NCAM1: variants seen among roughly 807,000 people sequenced by gnomAD.
NCAM1 encodes antigen recognized by monoclonal antibody 5.1H11.
Under a neutral mutation model 109.8 loss-of-function variants are expected in NCAM1, and 14 were observed. That is an observed-to-expected ratio of 0.13 (90% CI 0.08 to 0.20). The LOEUF is 0.20. Ranked by LOEUF, NCAM1 falls within the 10% of genes least tolerant of loss-of-function variation. The pLI is 1.00. For missense variants in NCAM1, 774 were observed against 1,109.9 expected (o/e 0.70, Z 4.30); for synonymous variants, 418 against 442.9 (o/e 0.94, Z 0.70).
intron 10 of NCAM1, 84 bp from the exon 11 acceptor site, chr11:113,232,086 C>G: frequency 1.5e-6 from 2 of 1,350,028 alleles, no homozygotes; most frequent in East Asian, 2.5e-5. Flanking sequence ...TTGGAGCACA[C>G]CTGCCTTCCC....
chr11:113,243,237 A>G (rs1945391001), intron 14 of NCAM1, among the ~76,000 whole-genome samples: 2 of 152,236 alleles, frequency 1.3e-5, no homozygotes, highest in African/African-American at 2.4e-5. Context: ...AGCAGTAGCA[A>G]AAAGACTGAG....
At position 113,233,345 on chromosome 11, in the gene NCAM1, T is replaced by C. The variant is rs1297565547; in HGVS notation, c.1693+28T>C. The stretch of plus-strand genomic sequence containing the variant: ...GAGTTGGGCGAGTTGGTGTTTCCAT[T>C]GGGATCATGAGTGCCTCAGTACTCA... On this transcript the variant is annotated intron_variant, in intron 13 of 19. Transcript: ENST00000316851. The surrounding 1 kb of genome is among the most constrained non-coding windows in gnomAD (Gnocchi z 4.5). The C allele has an allele frequency of 6.2e-7, 1 of 1,602,220 alleles. No homozygotes were observed. The highest frequency in any genetic ancestry group is 8.5e-7 in the Non-Finnish European group (1 of 1,174,228).
intron 1 of NCAM1, among the ~76,000 whole-genome samples, chr11:113,018,558 A>G (rs1555075698): frequency 6.6e-6 from 1 of 152,138 alleles, no homozygotes; most frequent in African/African-American, 2.4e-5. Context: ...AAACAAAATT[A>G]CCCCATAGTT....
At chr11:113,216,441 C>T (rs181061452) in intron 8 of NCAM1, among the ~76,000 whole-genome samples, 304 of 152,272 alleles carry the variant, frequency 2.0e-3, no homozygotes, top group African/African-American at 6.7e-3. Context: ...CGTGAGCCAC[C>T]GCGCCCGGCC....
At chr11:113,000,831 T>C (rs1402612368) in intron 1 of NCAM1, among the ~76,000 whole-genome samples, 1 of 14,818 alleles carries the variant, frequency 6.7e-5, no homozygotes, top group African/African-American at 4.0e-4. Flanking sequence ...TATATATATA[T>C]ATATATATAT....
At chr11:113,204,553 GA>G in intron 3 of NCAM1, 49 bp downstream of exon 3, 3 of 1,567,144 alleles carry the variant, frequency 1.9e-6, no homozygotes, top group Non-Finnish European at 2.6e-6. Flanking sequence ...CCTTGCCAAG[GA>G]GACATGTGGG....
At chr11:113,080,925 G>A (rs1228707767) in intron 1 of NCAM1, among the ~76,000 whole-genome samples, 1 of 152,146 alleles carries the variant, frequency 6.6e-6, no homozygotes, top group African/African-American at 2.4e-5. Flanking sequence ...CGATATGATT[G>A]GCATTTGAGG....
chr11:113,147,721 C>T (rs1177921579), intron 1 of NCAM1, among the ~76,000 whole-genome samples: 1 of 152,190 alleles, frequency 6.6e-6, no homozygotes, highest in African/African-American at 2.4e-5. Flanking sequence ...TGGGGCATCA[C>T]CTCAGTGCCA....
intron 14 of NCAM1, among the ~76,000 whole-genome samples, chr11:113,245,382 G>A (rs1352337496): frequency 1.3e-5 from 2 of 152,194 alleles, no homozygotes; most frequent in African/African-American, 4.8e-5. Context: ...GTCAAGGCTG[G>A]AGTGAGCTAT....
intron 1 of NCAM1, among the ~76,000 whole-genome samples, chr11:113,145,884 T>C (rs1555101227): frequency 1.3e-5 from 2 of 152,166 alleles, no homozygotes; most frequent in East Asian, 3.9e-4. Flanking sequence ...CATCAGGATT[T>C]ATTTTTCTGG....
rs1555114089 is a variant in NCAM1, at chr11:113,214,434, A to T, written c.982A>T (p.Thr328Ser). The stretch of plus-strand genomic sequence containing the variant: ...GGAATTAGAGGAGCAGGTCACTCTT[A>T]CCTGTGAAGCCTCCGGAGACCCCAT... Reference protein sequence around the residue: ...AMELEEQVTLTCEASGDPIPS... With the variant: ...AMELEEQVTLSCEASGDPIPS... The change falls in exon 8 of 20, where the codon ACC becomes TCC. Residue 328 changes from threonine to serine, a missense_variant. Thr to Ser is a moderately conservative substitution (Grantham distance 58). Coordinates refer to ENST00000316851, the MANE Select transcript of NCAM1 (RefSeq NM_181351.5). 6.2e-7 allele frequency: 1 copy of T among 1,613,744 alleles called. No individual in the cohort carries two copies. Among genetic ancestry groups the T allele is most frequent in the South Asian group, 1.1e-5 (1 of 91,000 alleles).
chr11:113,205,567 G>A lies in NCAM1; in HGVS notation c.391G>A (p.Glu131Lys). ...KNAPTPQEFR[E>K]GEDAVIVCDV... ...TGCGCCAACCCCACAGGAGTTCCGG[G>A]AGGGGGAAGATGCCGTGATTGTGTG... Residue 131 changes from glutamate (E) to lysine (K), a missense_variant, in exon 4 of 20, where the codon GAG becomes AAG. By Grantham distance (56) the Glu-to-Lys change is moderately conservative (BLOSUM62 1). Coordinates refer to ENST00000316851, the MANE Select transcript of NCAM1 (RefSeq NM_181351.5). 1.2e-6 allele frequency: 2 copies of A among 1,613,684 alleles called. No individual in the cohort carries two copies. Among genetic ancestry groups the A allele is most frequent in the Non-Finnish European group, 8.5e-7 (1 of 1,179,742 alleles).
At chr11:113,127,804 T>A (rs1320012051) in intron 1 of NCAM1, among the ~76,000 whole-genome samples, 29 of 152,074 alleles carry the variant, frequency 1.9e-4, no homozygotes. Flanking sequence ...TGGTTCTCAA[T>A]TGAAAGATGG....
intron 1 of NCAM1, among the ~76,000 whole-genome samples, chr11:113,180,731 C>A (rs782475194): frequency 1.1e-4 from 16 of 152,234 alleles, no homozygotes; most frequent in Middle Eastern, 3.2e-3. Context: ...TGGCATAGTA[C>A]AAGAGAAAGG....
chr11:113,121,472 C>T (rs1334426018), intron 1 of NCAM1, among the ~76,000 whole-genome samples: 3 of 147,936 alleles, frequency 2.0e-5, no homozygotes, highest in Non-Finnish European at 3.0e-5. Flanking sequence ...CCCCCTGCCT[C>T]GTCCTCCCAA....
chr11:113,080,134 T>A (rs1938723581), intron 1 of NCAM1, among the ~76,000 whole-genome samples: 1 of 152,082 alleles, frequency 6.6e-6, no homozygotes, highest in Admixed American at 6.6e-5. Context: ...AAATTATAGG[T>A]TATCGTTTTT....
chr11:113,043,297 C>T (rs572567353), intron 1 of NCAM1, among the ~76,000 whole-genome samples: 1 of 152,144 alleles, frequency 6.6e-6, no homozygotes, highest in South Asian at 2.1e-4. Flanking sequence ...TTGTCTGTCC[C>T]CTCTCCTGTG....
intron 12 of NCAM1, 62 bp downstream of exon 12, chr11:113,232,876 C>A (rs1278043136): frequency 2.1e-6 from 3 of 1,404,332 alleles, no homozygotes; most frequent in Non-Finnish European, 3.0e-6. Context: ...CCTGCCAGCC[C>A]AATTTGTGTA....
intron 1 of NCAM1, among the ~76,000 whole-genome samples, chr11:113,022,287 T>C (rs781970332): frequency 3.3e-5 from 5 of 152,220 alleles, no homozygotes; most frequent in Non-Finnish European, 5.9e-5. Flanking sequence ...TGCTTGTTTA[T>C]GACTCTAGGG....
Sources: allele counts gnomAD v4.1 joint callset (sites outside exome capture counted in the v4.1 genomes callset), GRCh38; gene constraint gnomAD v4.1.1; non-coding constraint Gnocchi (gnomAD v3.1); transcripts MANE v1.5; gene names NCBI Gene and HGNC (gene_info 2026-07-23, HGNC 2026-07-21).